The following POLD3 variants were observed in gnomAD, a reference collection of about 807,000 sequenced individuals.
POLD3 encodes DNA polymerase delta 3, accessory subunit, also known as DNA polymerase delta subunit 3.
A neutral mutation model predicts 58.2 loss-of-function variants in POLD3; 19 were observed. The ratio of observed to expected loss-of-function variants is 0.33; its 90% CI spans 0.23 to 0.48. POLD3 has a LOEUF of 0.48. Ranked by LOEUF, POLD3 falls within the 20% of genes least tolerant of loss-of-function variation. The pLI, the probability that POLD3 is intolerant of heterozygous loss-of-function variation, is 0.99. For missense variants in POLD3, 504 were observed against 545.5 expected, an observed-to-expected ratio of 0.92 and a Z score of 0.76; for synonymous variants, 172 against 193.5, an observed-to-expected ratio of 0.89 and a Z score of 0.92.
At position 74,641,367 on chromosome 11, in the gene POLD3, C is replaced by G; in HGVS notation, c.*601C>G. ...AGTACACGGACACCTGGCTACAGAC[C>G]AGGACGTGGCTTGTGTTCTGTTCCT... On this transcript the variant is annotated 3_prime_UTR_variant, in exon 12 of 12. Coordinates refer to ENST00000263681, the MANE Select transcript of POLD3 (RefSeq NM_006591.3). The G allele has an allele frequency of 1.0e-6, 1 of 985,406 alleles. No homozygotes were observed. The highest frequency in any genetic ancestry group is 1.7e-5 in the African/African-American group (1 of 57,334). The allele number at this position is 985,406 out of a possible 1,614,324, so 61.0% of individuals were successfully genotyped here. A position where few individuals can be genotyped will look rare whatever the true frequency, so the allele number is the denominator to read the frequency against.
At chr11:74,627,210 A>G (rs527768816) in intron 8 of POLD3, among the ~76,000 whole-genome samples, 173 of 152,282 alleles carry the variant, frequency 1.1e-3, no homozygotes, top group Non-Finnish European at 1.8e-3. Context: ...GTGGAAGACA[A>G]TGATCATTGA....
At chr11:74,660,413 A>C (rs1159501966) in intron 4 of POLD3, among the ~76,000 whole-genome samples, 1 of 151,812 alleles carries the variant, frequency 6.6e-6, no homozygotes, top group Non-Finnish European at 1.5e-5. Context: ...CTCTTTCTCT[A>C]CCTCCTCTTT....
intron 3 of POLD3, among the ~76,000 whole-genome samples, chr11:74,609,704 G>T (rs1262564292): frequency 6.6e-6 from 1 of 151,892 alleles, no homozygotes; most frequent in Admixed American, 6.6e-5. Context: ...TTTAATATAA[G>T]AAAATATATA....
At chr11:74,614,404 C>T (rs531341195) in intron 5 of POLD3, among the ~76,000 whole-genome samples, 29 of 152,046 alleles carry the variant, frequency 1.9e-4, no homozygotes, top group Non-Finnish European at 2.9e-4. Flanking sequence ...GTTAATGAGT[C>T]ATGACCATCA....
chr11:74,636,230 C>A lies in POLD3; in HGVS notation c.1153C>A (p.Arg385Ser), dbSNP rs572105600. The change falls in exon 11 of 12, where the codon CGC (arginine) becomes AGC (serine). Residue 385 changes from arginine (R) to serine (S), a missense_variant. By Grantham distance (110) the Arg-to-Ser change is moderately radical (BLOSUM62 -1). This residue lies in a region of POLD3 where 385 missense variants were observed against 370.5 expected (regional missense o/e 1.04). Coordinates refer to ENST00000263681, the MANE Select transcript of POLD3 (RefSeq NM_006591.3). Reference sequence around the variant, plus strand: ...TGGAGAAAACAAAAGAAAACGAAAACGCGTACTAAAATCTAAAACTTACCT... The same window carrying A: ...TGGAGAAAACAAAAGAAAACGAAAAAGCGTACTAAAATCTAAAACTTACCT... Reference protein sequence around the residue: ...SSGENKRKRKRVLKSKTYLDG... With the variant: ...SSGENKRKRKSVLKSKTYLDG... The A allele has an allele frequency of 1.9e-6, 3 of 1,610,054 alleles. No individual in the cohort carries two copies. In the South Asian group the frequency reaches 3.3e-5, roughly 18 times the overall value.
intron 5 of POLD3, among the ~76,000 whole-genome samples, chr11:74,613,791 A>G (rs1591300313): frequency 6.6e-6 from 1 of 152,180 alleles, no homozygotes. Flanking sequence ...GTACCTTTTC[A>G]TGTAACTGAT....
chr11:74,655,066 A>G (rs1260077154), intron 4 of POLD3, among the ~76,000 whole-genome samples: 2 of 152,242 alleles, frequency 1.3e-5, no homozygotes, highest in African/African-American at 4.8e-5. Flanking sequence ...AGAGTGCCCA[A>G]CAGAAAGGAA....
At chr11:74,664,673 A>T (rs368589792) in intron 4 of POLD3, among the ~76,000 whole-genome samples, 1 of 152,202 alleles carries the variant, frequency 6.6e-6, no homozygotes, top group Non-Finnish European at 1.5e-5. Context: ...AGTGACATAT[A>T]AAAAGGATTT....
chr11:74,610,538 G>T (rs945765233), intron 3 of POLD3, among the ~76,000 whole-genome samples: 1 of 152,030 alleles, frequency 6.6e-6, no homozygotes, highest in African/African-American at 2.4e-5. Flanking sequence ...AGAGTTGTTA[G>T]TCTTTGTTTT....
intron 8 of POLD3, among the ~76,000 whole-genome samples, chr11:74,627,342 AAAG>A (rs2032461112): frequency 1.3e-5 from 2 of 152,232 alleles, no homozygotes; most frequent in African/African-American, 4.8e-5. Context: ...ATAGGGATAT[AAAG>A]AAGAAAATAT....
intron 2 of POLD3, among the ~76,000 whole-genome samples, chr11:74,600,443 G>A: frequency 6.6e-6 from 1 of 151,328 alleles, no homozygotes; most frequent in Non-Finnish European, 1.5e-5. Context: ...TTACAGGCGT[G>A]AGCCACCACA....
intron 4 of POLD3, among the ~76,000 whole-genome samples, chr11:74,654,964 A>G (rs767144446): frequency 1.3e-5 from 2 of 152,210 alleles, no homozygotes; most frequent in Admixed American, 1.3e-4. Flanking sequence ...ATCCCTAGCA[A>G]AGCACATGTG....
chr11:74,656,744 GTTTTTTTT>G (rs60280704), intron 4 of POLD3, among the ~76,000 whole-genome samples: 1 of 147,350 alleles, frequency 6.8e-6, no homozygotes, highest in Non-Finnish European at 1.5e-5. Context: ...ATATTTCAGG[GTTTTTTTT>G]TTTTTTTTAA....
chr11:74,644,928 T>C (rs2032980533), downstream of POLD3, among the ~76,000 whole-genome samples: 1 of 152,204 alleles, frequency 6.6e-6, no homozygotes, highest in Admixed American at 6.5e-5. Flanking sequence ...AACTACTTTG[T>C]TTAGTGTCTG....
At chr11:74,617,807 C>T (rs552800268) in intron 5 of POLD3, among the ~76,000 whole-genome samples, 34 of 152,358 alleles carry the variant, frequency 2.2e-4, no homozygotes, top group African/African-American at 5.3e-4. Flanking sequence ...CAGCCTTGAC[C>T]TCCTGGATTC....
At chr11:74,610,317 T>C (rs7925710) in intron 3 of POLD3, among the ~76,000 whole-genome samples, 4,164 of 151,752 alleles carry the variant, frequency 0.027, 226 homozygotes, top group African/African-American at 0.095. Flanking sequence ...TTCAAGTGAC[T>C]CTCCTGCCTC....
chr11:74,596,762 C>G (rs1369818065), intron 2 of POLD3, among the ~76,000 whole-genome samples: 1 of 152,102 alleles, frequency 6.6e-6, no homozygotes. Flanking sequence ...CTCCCCATTC[C>G]CCCTCCCCTA....
chr11:74,592,928 T>G (rs1019286511), intron 1 of POLD3: 1 of 1,409,386 alleles, frequency 7.1e-7, no homozygotes, highest in Admixed American at 2.9e-5. Flanking sequence ...TCCGCGTCCC[T>G]TGGGTGGGCG....
intron 3 of POLD3, among the ~76,000 whole-genome samples, chr11:74,607,235 TA>T (rs1365483745): frequency 8.3e-5 from 8 of 96,744 alleles, no homozygotes; most frequent in South Asian, 4.0e-4. Context: ...AATTTATTAT[TA>T]TTATTATATA....
Sources: gnomAD v4.1 joint callset for allele counts (sites outside exome capture counted in the v4.1 genomes callset) on GRCh38, gnomAD v4.1.1 for gene constraint, gnomAD v4.1.1 regional missense constraint, MANE v1.5 for transcripts, NCBI Gene and HGNC (gene_info 2026-07-23, HGNC 2026-07-21) for gene names.